Variants in GAD1 observed in about 807,000 individuals in gnomAD.
The protein encoded by GAD1 is glutamate decarboxylase 1, also known as 67 kDa glutamic acid decarboxylase.
Under a neutral mutation model 75.2 loss-of-function variants are expected in GAD1, and 35 were observed. The ratio of observed to expected loss-of-function variants is 0.47; its 90% CI spans 0.36 to 0.62. The LOEUF (loss-of-function observed/expected upper bound fraction) is 0.62, where lower values mean the gene tolerates loss of function less well. GAD1 is among the 20% of genes least tolerant of loss of function. GAD1 has a pLI of 0.00. For missense variants in GAD1, 490 were observed against 758.5 expected (o/e 0.65, Z 4.16); for synonymous variants, 257 against 271.9 (o/e 0.95, Z 0.54).
rs575565666 is a variant in GAD1 at position 170,857,892 on chromosome 2, C to T, written c.1521+767C>T. Among the ~76,000 whole-genome samples the T allele has an allele frequency of 5.3e-5, 8 of 152,292 alleles. No individual in the cohort carries two copies. In the East Asian group the frequency reaches 1.5e-3, roughly 29 times the overall value. ...AGATACATTCTCTGACCCAATGGAG[C>T]TTACACTTGAATAAAGAAAGATAGA... is the stretch of plus-strand genomic sequence containing the variant. On this transcript the variant is annotated intron_variant, in intron 15 of 16. Transcript: ENST00000358196.
At chr2:170,854,114 C>A in intron 14 of GAD1, 92 bp downstream of exon 14, 1 of 1,287,186 alleles carries the variant, frequency 7.8e-7, no homozygotes, top group Non-Finnish European at 1.1e-6. Context: ...ACAGATAATT[C>A]ACTATATGGG....
intron 3 of GAD1, among the ~76,000 whole-genome samples, chr2:170,823,937 T>C (rs1011537877): frequency 3.9e-5 from 6 of 152,144 alleles, no homozygotes; most frequent in Admixed American, 3.3e-4. Flanking sequence ...GGCGCTCCAC[T>C]TCCGCGGGAA....
chr2:170,833,625 A>C (rs1702296110), intron 5 of GAD1, among the ~76,000 whole-genome samples: 1 of 152,232 alleles, frequency 6.6e-6, no homozygotes, highest in Non-Finnish European at 1.5e-5. Flanking sequence ...ATGAAAGCCC[A>C]GAATGGCGTT....
Position 170,858,874 on chromosome 2 carries a change from G to A in GAD1, c.1592G>A (p.Arg531Gln), listed in dbSNP as rs771882638. Residue 531 changes from arginine (R) to glutamine (Q), a missense_variant, in exon 16 of 17, where the codon CGA (arginine) becomes CAA (glutamine). Physicochemically the swap from Arg to Gln is conservative, Grantham distance 43. Around this residue, in one of 3 missense-constraint regions of GAD1, gnomAD observed 324 missense variants for 523.9 expected, o/e 0.62. Coordinates refer to ENST00000358196, the MANE Select transcript of GAD1 (RefSeq NM_000817.3). ...SLRGVPDSPQ[R>Q]REKLHKVAPK... ...AGGGGTGTGCCAGACAGCCCTCAAC[G>A]ACGGGAAAAGCTACACAAGGTATGG... is the stretch of plus-strand genomic sequence containing the variant. The A allele has an allele frequency of 6.2e-6, 10 of 1,614,106 alleles. No homozygotes were observed. Among genetic ancestry groups the A allele is most frequent in the Admixed American group, 3.3e-5 (2 of 60,014 alleles).
chr2:170,820,734 T>C (rs948168227), intron 2 of GAD1, among the ~76,000 whole-genome samples: 4 of 152,198 alleles, frequency 2.6e-5, no homozygotes, highest in Non-Finnish European at 5.9e-5. Flanking sequence ...ACCCCCAATT[T>C]TGAAAGGCAG....
At chr2:170,841,946 A>G (rs1702527045) in intron 6 of GAD1, among the ~76,000 whole-genome samples, 1 of 152,210 alleles carries the variant, frequency 6.6e-6, no homozygotes, top group Admixed American at 6.5e-5. Flanking sequence ...AGTACATAGG[A>G]TGTCACCTGG....
At chr2:170,848,544 G>A in intron 11 of GAD1, 1 of 364,688 alleles carries the variant, frequency 2.7e-6, no homozygotes, top group Non-Finnish European at 5.3e-6. Context: ...GCTACATTTA[G>A]GAAAAATAAG....
At chr2:170,830,113 G>A (rs1702183673) in intron 4 of GAD1, among the ~76,000 whole-genome samples, 1 of 152,142 alleles carries the variant, frequency 6.6e-6, no homozygotes, top group African/African-American at 2.4e-5. Flanking sequence ...CTCAGGAGGT[G>A]CTTTACCAGT....
intron 3 of GAD1, among the ~76,000 whole-genome samples, chr2:170,825,331 A>G (rs1031905664): frequency 6.6e-6 from 1 of 152,122 alleles, no homozygotes; most frequent in African/African-American, 2.4e-5. Context: ...TGAAATTACA[A>G]TGAGCTATGA....
chr2:170,831,706 T>C (rs1388162643), intron 5 of GAD1, among the ~76,000 whole-genome samples: 1 of 137,630 alleles, frequency 7.3e-6, no homozygotes, highest in African/African-American at 2.8e-5. Flanking sequence ...TAATTATAAA[T>C]AATAAAATTT....
chr2:170,858,158 C>A (rs1480006130), intron 15 of GAD1, among the ~76,000 whole-genome samples: 2 of 152,112 alleles, frequency 1.3e-5, no homozygotes, highest in African/African-American at 2.4e-5. Context: ...ATATCTCAAA[C>A]CAATTAGAGG....
Position 170,831,624 on chromosome 2 carries a change from GTGTGTGTGTGTA to G in GAD1, c.547+434_547+445del, listed in dbSNP as rs965771396. ...TGTGTGTGTGTGTGTGTGTGTGTGTGTGTGTGTGTGTATATACCTATTTTTATATATAAATAT... is the reference window on the plus strand; with the variant it reads ...TGTGTGTGTGTGTGTGTGTGTGTGTGTATACCTATTTTTATATATAAATAT... On this transcript the variant is annotated intron_variant, in intron 5 of 16. Transcript: ENST00000358196. Among the ~76,000 whole-genome samples the G allele has an allele frequency of 1.3e-4, 19 of 142,712 alleles. No individual in the cohort carries two copies. The South Asian group carries it at 1.7e-3, about 13-fold the overall frequency. The allele number at this position is 142,712 out of a possible 152,430, so 93.6% of individuals were successfully genotyped here.
chr2:170,858,651 C>T (rs892659897), intron 15 of GAD1, among the ~76,000 whole-genome samples, 153 bp from the exon 16 acceptor site: 33 of 152,162 alleles, frequency 2.2e-4, no homozygotes, highest in African/African-American at 6.8e-4. Context: ...AGGCATTGTT[C>T]TCCCTGGTGT....
At chr2:170,839,544 G>A (rs562166259) in intron 6 of GAD1, among the ~76,000 whole-genome samples, 3 of 151,810 alleles carry the variant, frequency 2.0e-5, no homozygotes, top group African/African-American at 7.2e-5. Flanking sequence ...AGCCTGGGAG[G>A]TAGAGGTTGC....
chr2:170,841,437 C>A (rs1702513338), intron 6 of GAD1, among the ~76,000 whole-genome samples: 1 of 152,130 alleles, frequency 6.6e-6, no homozygotes, highest in Non-Finnish European at 1.5e-5. Context: ...TGGTGGCTCA[C>A]AACTGTAATC....
In GAD1 at chr2:170,847,106, C is replaced by T. The variant is rs533148974; in HGVS notation, c.1003-570C>T. Among the ~76,000 whole-genome samples the T allele has an allele frequency of 4.7e-4, 71 of 152,334 alleles. 2 individuals are homozygous for T. In the South Asian group the frequency reaches 0.014, roughly 31 times the overall value. On this transcript the variant is annotated intron_variant, in intron 10 of 16. Coordinates refer to ENST00000358196, the MANE Select transcript of GAD1 (RefSeq NM_000817.3). ...TTTTGTTTATGTCAACATTTAACCA[C>T]GTCCACTGTTAGTGAGTGTATCAGC...
intron 6 of GAD1, chr2:170,842,734 G>T: frequency 6.3e-7 from 1 of 1,577,392 alleles, no homozygotes; most frequent in Non-Finnish European, 8.6e-7. Flanking sequence ...TATTCTTTTT[G>T]GAAATAAAAT....
At chr2:170,822,328 C>T (rs1193035234) in intron 3 of GAD1, among the ~76,000 whole-genome samples, 179 bp downstream of exon 3, 2 of 152,204 alleles carry the variant, frequency 1.3e-5, no homozygotes, top group Non-Finnish European at 2.9e-5. Flanking sequence ...CTCCTCTGCC[C>T]GCCCCAGACC....
intron 4 of GAD1, chr2:170,829,940 A>G: frequency 1.3e-5 from 5 of 378,358 alleles, no homozygotes; most frequent in Non-Finnish European, 2.5e-5. Flanking sequence ...AGAAAATCTA[A>G]TGATTTCCTT....
Sources: allele counts gnomAD v4.1 joint callset (sites outside exome capture counted in the v4.1 genomes callset), GRCh38; gene constraint gnomAD v4.1.1; regional missense constraint gnomAD v4.1.1; transcripts MANE v1.5; gene names NCBI Gene and HGNC (gene_info 2026-07-23, HGNC 2026-07-21).